ZCWPW1: variants seen among roughly 807,000 people sequenced by gnomAD.
ZCWPW1 encodes the protein zinc finger CW-type PWWP domain protein 1.
Under a neutral mutation model 81.3 loss-of-function variants are expected in ZCWPW1, and 56 were observed. That is an observed-to-expected ratio of 0.69 (90% CI 0.56 to 0.86). ZCWPW1 has a LOEUF of 0.86. Ranked by LOEUF, ZCWPW1 falls within the 40% of genes least tolerant of loss-of-function variation. The probability of loss-of-function intolerance (pLI) is 0.00; values close to 1 mark genes in which losing one functional copy is unlikely to be tolerated. For synonymous variants in ZCWPW1, 250 were observed against 273.7 expected, an observed-to-expected ratio of 0.91 and a Z score of 0.86; for missense variants, 650 against 769.8, an observed-to-expected ratio of 0.84 and a Z score of 1.84.
At chr7:100,402,094 G>T in intron 16 of ZCWPW1, 53 bp from the exon 17 acceptor site, 4 of 1,556,400 alleles carry the variant, frequency 2.6e-6, no homozygotes, top group Non-Finnish European at 3.5e-6. Flanking sequence ...CTCGGCAAGG[G>T]CAGATGGACA....
intron 1 of ZCWPW1, among the ~76,000 whole-genome samples, chr7:100,427,897 T>C (rs1325063665): frequency 1.3e-5 from 2 of 151,334 alleles, no homozygotes; most frequent in African/African-American, 4.9e-5. Flanking sequence ...TCCCCTCCCT[T>C]CCTTCCTCCC....
chr7:100,401,508 T>A (rs985266792), intron 17 of ZCWPW1, among the ~76,000 whole-genome samples, 172 bp from the exon 18 acceptor site: 1 of 152,248 alleles, frequency 6.6e-6, no homozygotes, highest in African/African-American at 2.4e-5. Context: ...GTCTGCCCTA[T>A]GCTAGTCACC....
chr7:100,420,827 G>A, intron 2 of ZCWPW1, 149 bp from the exon 3 acceptor site: 1 of 687,108 alleles, frequency 1.5e-6, no homozygotes, highest in Non-Finnish European at 2.5e-6. Flanking sequence ...TTACACACCA[G>A]GGAATAATGA....
intron 17 of ZCWPW1, 125 bp downstream of exon 17, chr7:100,401,764 A>C: frequency 7.6e-7 from 1 of 1,307,726 alleles, no homozygotes. Context: ...ACGCTCTTTC[A>C]TTCTAATTTT....
chr7:100,405,010 C>T lies in ZCWPW1; in HGVS notation c.1254+3G>A. ...AATGGGTGTGGTCTGAACACCCTCCCACCTGAATGCTGATCTGTTCTGCCT... is the reference window on the plus strand; with the variant it reads ...AATGGGTGTGGTCTGAACACCCTCCTACCTGAATGCTGATCTGTTCTGCCT... On this transcript the variant is annotated splice_donor_region_variant and intron_variant, in intron 13 of 17. Coordinates refer to ENST00000684423, the MANE Select transcript of ZCWPW1 (RefSeq NM_001386010.1). 1 of 1,613,070 alleles carries T rather than the reference C, an allele frequency of 6.2e-7. No homozygotes were observed. The highest frequency in any genetic ancestry group is 1.3e-5 in the African/African-American group (1 of 75,006).
At chr7:100,412,771 C>T (rs1007870665) in intron 8 of ZCWPW1, among the ~76,000 whole-genome samples, 6 of 152,002 alleles carry the variant, frequency 3.9e-5, no homozygotes, top group East Asian at 1.9e-4. Context: ...TTAGTAGAGA[C>T]GGGGTTTCAC....
chr7:100,416,984 TAGAC>T (rs778762257), intron 6 of ZCWPW1, 78 bp downstream of exon 6: 30 of 981,844 alleles, frequency 3.1e-5, no homozygotes, highest in South Asian at 4.3e-5. Context: ...AATGACCAGA[TAGAC>T]AGACAGATAG....
chr7:100,401,919 C>A lies in ZCWPW1; in HGVS notation c.1597G>T (p.Gly533Cys). The A allele has an allele frequency of 5.0e-6, 8 of 1,613,990 alleles. No homozygotes were observed. Among genetic ancestry groups the A allele is most frequent in the Non-Finnish European group, 5.9e-6 (7 of 1,179,908 alleles). The change falls in exon 17 of 18, where the codon GGC becomes TGC. Residue 533 changes from glycine (G) to cysteine (C), a missense_variant. Transcript: ENST00000684423. The part of the protein sequence containing the change: ...PPAPRMGRKE[G>C]QGNSDSDQPG... The stretch of plus-strand genomic sequence containing the variant: ...TGGTCAGAATCTGAATTCCCTTGGC[C>A]TTCTTTCCTTCCCATTCTGGGTGCA...
At chr7:100,405,119 A>T in intron 12 of ZCWPW1, 26 bp from the exon 13 acceptor site, 1 of 1,605,680 alleles carries the variant, frequency 6.2e-7, no homozygotes, top group East Asian at 2.2e-5. Flanking sequence ...AGAGCCAATG[A>T]TAAATATTGA....
intron 8 of ZCWPW1, among the ~76,000 whole-genome samples, chr7:100,410,989 T>A (rs1405287440): frequency 6.6e-6 from 1 of 152,188 alleles, no homozygotes; most frequent in Non-Finnish European, 1.5e-5. Flanking sequence ...CCAACCAGAA[T>A]GAACCCTCTC....
intron 8 of ZCWPW1, among the ~76,000 whole-genome samples, chr7:100,411,261 C>T (rs1584258931): frequency 6.6e-6 from 1 of 151,800 alleles, no homozygotes; most frequent in South Asian, 2.1e-4. Context: ...GGATCACTTT[C>T]GCAATTACTT....
At position 100,411,969 on chromosome 7, in the gene ZCWPW1, CAT is replaced by C. The variant is rs143353948; in HGVS notation, c.755-2427_755-2426del. Among the ~76,000 whole-genome samples the C allele has an allele frequency of 2.5e-3, 387 of 152,280 alleles. 1 individual carries two copies. Among genetic ancestry groups the C allele is most frequent in the East Asian group, 0.024 (122 of 5,178 alleles). ...ATCATGAAGACTGATGTCACAGACA[CAT>C]GTTAAGAGGATTTCACTTGACCACT... On this transcript the variant is annotated intron_variant, in intron 8 of 17. Transcript: ENST00000684423.
rs1204706886 is a variant in ZCWPW1 at position 100,401,989 on chromosome 7, C to T, written c.1527G>A (p.Arg509=). Residue 509 remains arginine (R), a synonymous_variant, in exon 17 of 18, where the codon AGG becomes AGA. Transcript: ENST00000684423. The part of the protein sequence containing the change: ...TADGRGRTLQ[R]KIMKRSLGRK... ...TGCCTAGAGATCTCTTCATTATCTT[C>T]CTCTGCAGTGTCCTGCCTCGGCCAT... is the stretch of plus-strand genomic sequence containing the variant. The T allele has an allele frequency of 1.2e-6, 2 of 1,614,070 alleles. No homozygotes were observed. Among genetic ancestry groups the T allele is most frequent in the Non-Finnish European group, 1.7e-6 (2 of 1,180,058 alleles).
At position 100,416,007 on chromosome 7, in the gene ZCWPW1, C is replaced by G. The variant is rs1468254749; in HGVS notation, c.722G>C (p.Arg241Thr). The G allele has an allele frequency of 1.2e-6, 2 of 1,614,112 alleles. No individual in the cohort carries two copies. Among genetic ancestry groups the G allele is most frequent in the Admixed American group, 3.3e-5 (2 of 60,016 alleles). ...ACTTATCTCTCCTTTTTGCTGGTCC[C>G]TGATCTGAGAATGATCCTGAACTGT... ...KKTVQDHSQI[R>T]DQQKGEISGF... is the part of the protein sequence containing the mutation. The change falls in exon 8 of 18, where the codon AGG becomes ACG. Residue 241 changes from arginine to threonine, a missense_variant. By Grantham distance (71) the Arg-to-Thr change is moderately conservative. Coordinates refer to ENST00000684423, the MANE Select transcript of ZCWPW1 (RefSeq NM_001386010.1).
chr7:100,421,348 C>T, intron 2 of ZCWPW1, among the ~76,000 whole-genome samples: 1 of 152,120 alleles, frequency 6.6e-6, no homozygotes, highest in South Asian at 2.1e-4. Context: ...AGAGGGATAG[C>T]CTCATTTCAT....
At chr7:100,409,304 C>G in intron 9 of ZCWPW1, 124 bp downstream of exon 9, 3 of 758,014 alleles carry the variant, frequency 4.0e-6, no homozygotes, top group Non-Finnish European at 6.4e-6. Flanking sequence ...TTCCTCTCTC[C>G]CAAGCACTAC....
chr7:100,406,434 C>A (rs1793025996), intron 12 of ZCWPW1, among the ~76,000 whole-genome samples: 2 of 152,130 alleles, frequency 1.3e-5, no homozygotes, highest in African/African-American at 4.8e-5. Context: ...TCTGCCACAC[C>A]TGCTTTGGCT....
chr7:100,404,070 G>C, intron 14 of ZCWPW1, 108 bp downstream of exon 14: 2 of 1,215,406 alleles, frequency 1.6e-6, no homozygotes, highest in South Asian at 1.4e-5. Context: ...AAAGAATCCA[G>C]AATTAGCCTG....
chr7:100,404,120 G>A, intron 14 of ZCWPW1, 58 bp downstream of exon 14: 5 of 1,552,774 alleles, frequency 3.2e-6, no homozygotes, highest in South Asian at 2.3e-5. Context: ...ATGGGTTGCT[G>A]CCCTCATGAA....
Sources: allele counts gnomAD v4.1 joint callset (sites outside exome capture counted in the v4.1 genomes callset), GRCh38; gene constraint gnomAD v4.1.1; transcripts MANE v1.5; gene names NCBI Gene and HGNC (gene_info 2026-07-23, HGNC 2026-07-21).